The following ZNF763 variants were observed in gnomAD, a reference collection of about 807,000 sequenced individuals.
ZNF763 encodes zinc finger protein 763.
Under a neutral mutation model 38.0 loss-of-function variants are expected in ZNF763, and 33 were observed. That is an observed-to-expected ratio of 0.87 (90% confidence interval 0.66 to 1.16). The LOEUF is 1.16. Ranked by LOEUF, ZNF763 falls within the 50% of genes most tolerant of loss-of-function variation. ZNF763 has a pLI of 0.00. For missense variants in ZNF763, 423 were observed against 469.1 expected, an observed-to-expected ratio of 0.90 and a Z score of 0.91; for synonymous variants, 155 against 160.1, an observed-to-expected ratio of 0.97 and a Z score of 0.24.
At position 11,978,273 on chromosome 19, in the gene ZNF763, G is replaced by C. The variant is rs753935357; in HGVS notation, c.349G>C (p.Gly117Arg). ...DNFVCGEVGI[G>R]NSSFNMNIRG... The stretch of plus-strand genomic sequence containing the variant: ...CTTTGTATGTGGAGAAGTTGGCATA[G>C]GTAACTCATCTTTTAATATGAACAT... The change falls in exon 4 of 4, where the codon GGT becomes CGT. Residue 117 changes from glycine to arginine, a missense_variant. Gly to Arg is a moderately radical substitution (Grantham distance 125). Transcript: ENST00000358987. The C allele has an allele frequency of 1.2e-6, 2 of 1,613,926 alleles. No homozygotes were observed. The highest frequency in any genetic ancestry group is 2.7e-5 in the African/African-American group (2 of 74,900).
intron 1 of ZNF763, among the ~76,000 whole-genome samples, chr19:11,972,939 AT>A (rs1568307679): frequency 6.6e-6 from 1 of 151,758 alleles, no homozygotes; most frequent in African/African-American, 2.4e-5. Flanking sequence ...AAAAAAAAAA[AT>A]CATTTTAAAC....
chr19:11,978,259 G>C lies in ZNF763; in HGVS notation c.335G>C (p.Gly112Ala), dbSNP rs1386042327. 1 of 1,613,930 alleles carries C rather than the reference G, an allele frequency of 6.2e-7. No homozygotes were observed. Among genetic ancestry groups the C allele is most frequent in the African/African-American group, 1.3e-5 (1 of 74,906 alleles). ...EAKSCDNFVCGEVGIGNSSFN... is the reference protein window; with the variant it reads ...EAKSCDNFVCAEVGIGNSSFN... ...AAATCATGTGATAACTTTGTATGTG[G>C]AGAAGTTGGCATAGGTAACTCATCT... Residue 112 changes from glycine (G) to alanine (A), a missense_variant, in exon 4 of 4, where the codon GGA becomes GCA. Transcript: ENST00000358987.
In ZNF763 at chr19:11,978,429, G is replaced by T. The variant is rs768860875; in HGVS notation, c.505G>T (p.Glu169Ter). 1 of 1,614,048 alleles carries T rather than the reference G, an allele frequency of 6.2e-7. No homozygotes were observed. The highest frequency in any genetic ancestry group is 8.5e-7 in the Non-Finnish European group (1 of 1,180,018). Residue 169 changes from glutamate to a stop codon, truncating the protein, a stop_gained, in exon 4 of 4, where the codon GAG (glutamate) becomes TAG (stop). Transcript: ENST00000358987. LOFTEE classifies it high-confidence loss of function. ...FRTQERNHTG[E>*]KPYACKECGK... ...AACACAAGAAAGGAATCACACCGGA[G>T]AGAAACCCTATGCTTGTAAAGAATG...
chr19:11,977,847 AC>A (rs1292452630), intron 3 of ZNF763, among the ~76,000 whole-genome samples: 33 of 152,150 alleles, frequency 2.2e-4, no homozygotes, highest in African/African-American at 6.8e-4. Flanking sequence ...ACAGGATGAG[AC>A]CCTGACTCGA....
In ZNF763 at chr19:11,980,308, G is replaced by A; in HGVS notation, c.*1199G>A. ...GCACAGGAGAATCGCTTGAATCTGG[G>A]GGGCAGAGGTTGCAGTGAGCCAAGA... On this transcript the variant is annotated 3_prime_UTR_variant, in exon 4 of 4. Transcript: ENST00000358987. 3.9e-6 allele frequency: 1 copy of A among 257,294 alleles called. No individual in the cohort carries two copies. The highest frequency in any genetic ancestry group is 7.5e-6 in the Non-Finnish European group (1 of 133,902). The allele number at this position is 257,294 out of a possible 1,614,324, so 15.9% of individuals were successfully genotyped here. A position where few individuals can be genotyped will look rare whatever the true frequency, so the allele number is the denominator to read the frequency against.
At chr19:11,966,871 A>G (rs1973241884) in intron 1 of ZNF763, among the ~76,000 whole-genome samples, 1 of 152,160 alleles carries the variant, frequency 6.6e-6, no homozygotes, top group Admixed American at 6.5e-5. Flanking sequence ...CCCAAACAGG[A>G]AAAACACAGA....
At chr19:11,974,312 T>C (rs1465179300) in intron 1 of ZNF763, among the ~76,000 whole-genome samples, 3 of 151,066 alleles carry the variant, frequency 2.0e-5, no homozygotes, top group Non-Finnish European at 4.4e-5. Context: ...TTCTCCTGAC[T>C]CAGCCTCCCA....
rs1973362386 is a variant in ZNF763, at chr19:11,972,046, G to A, written c.4-4992G>A. Among the ~76,000 whole-genome samples the A allele has an allele frequency of 2.0e-5, 3 of 149,012 alleles. No homozygotes were observed. In the South Asian group the frequency reaches 6.4e-4, roughly 32 times the overall value. On this transcript the variant is annotated intron_variant, in intron 1 of 3. Transcript: ENST00000358987. ...CATTGCACTCCAGCCCAGGCAACAA[G>A]AGCAAAACTTTGTCTCAAAAAAAAA...
intron 3 of ZNF763, among the ~76,000 whole-genome samples, chr19:11,977,715 G>A (rs1973526075): frequency 6.6e-6 from 1 of 152,100 alleles, no homozygotes; most frequent in African/African-American, 2.4e-5. Flanking sequence ...AAATTAGCTG[G>A]GCATTGTGGT....
In ZNF763 at chr19:11,980,241, C is replaced by G. The variant is rs546279826; in HGVS notation, c.*1132C>G. 3.1e-5 allele frequency: 11 copies of G among 358,272 alleles called. No homozygotes were observed. The highest frequency in any genetic ancestry group is 4.6e-5 in the Non-Finnish European group (9 of 194,564). The allele number at this position is 358,272 out of a possible 1,614,324, so 22.2% of individuals were successfully genotyped here. A position where few individuals can be genotyped will look rare whatever the true frequency, so the allele number is the denominator to read the frequency against. On this transcript the variant is annotated 3_prime_UTR_variant, in exon 4 of 4. Transcript: ENST00000358987. ...ACTAAAACTACAAAAATTGGCCAGG[C>G]GTGGTGGCCTGCTTCTGTAATCCTA... is the stretch of plus-strand genomic sequence containing the variant.
At position 11,979,485 on chromosome 19, in the gene ZNF763, T is replaced by C. The variant is rs1299193135; in HGVS notation, c.*376T>C. 3.1e-6 allele frequency: 5 copies of C among 1,602,752 alleles called. No individual in the cohort carries two copies. In the African/African-American group the frequency reaches 5.4e-5, roughly 17 times the overall value. ...AAATGTAAGACATGTGGGAAAGGCT[T>C]TTATTCTCCCACGTCATTTCAAAGA... On this transcript the variant is annotated 3_prime_UTR_variant, in exon 4 of 4. Coordinates refer to ENST00000358987, the MANE Select transcript of ZNF763 (RefSeq NM_001367172.2).
At chr19:11,977,330 T>G in intron 2 of ZNF763, 41 bp from the exon 3 acceptor site, 1 of 1,610,134 alleles carries the variant, frequency 6.2e-7, no homozygotes, top group Non-Finnish European at 8.5e-7. Context: ...TTTCACAGTT[T>G]TATATTGCTT....
At chr19:11,973,039 A>T (rs1172394179) in intron 1 of ZNF763, among the ~76,000 whole-genome samples, 1 of 152,194 alleles carries the variant, frequency 6.6e-6, no homozygotes, top group Non-Finnish European at 1.5e-5. Context: ...CAATATTATT[A>T]TTACCTAAAG....
chr19:11,980,554 G>A lies in ZNF763; in HGVS notation c.*1445G>A, dbSNP rs72988683. On this transcript the variant is annotated 3_prime_UTR_variant, in exon 4 of 4. Transcript: ENST00000358987. ...TAGAAATTCATTTATACCTTAGAAA[G>A]CTATTTTTTTCAGGTTGGTTTAGTG... 0.019 allele frequency among the ~76,000 whole-genome samples: 2,874 copies of A among 152,204 alleles called. 36 individuals carry two copies. The highest frequency in any genetic ancestry group is 0.026 in the African/African-American group (1,084 of 41,512).
At chr19:11,972,310 A>C (rs1216645665) in intron 1 of ZNF763, among the ~76,000 whole-genome samples, 1 of 152,152 alleles carries the variant, frequency 6.6e-6, no homozygotes, top group Non-Finnish European at 1.5e-5. Flanking sequence ...AAGGGAAGAA[A>C]AGAAAAAAGA....
chr19:11,967,837 GACTAA>G (rs1222363577), intron 1 of ZNF763, among the ~76,000 whole-genome samples: 6 of 152,238 alleles, frequency 3.9e-5, no homozygotes. Context: ...TCTATGTAAA[GACTAA>G]ACTAAGCTGT....
Position 11,977,142 on chromosome 19 carries a change from T to A in ZNF763, c.108T>A (p.Thr36=). Residue 36 remains threonine, a synonymous_variant, in exon 2 of 4, where the codon ACT becomes ACA. Coordinates refer to ENST00000358987, the MANE Select transcript of ZNF763 (RefSeq NM_001367172.2). ...RKLYREVMLE[T]FRNLTSIGKK... Reference sequence around the variant, plus strand: ...TCTACAGGGAAGTGATGCTGGAAACTTTCAGGAACCTGACCTCTATAGGTA... The same window carrying A: ...TCTACAGGGAAGTGATGCTGGAAACATTCAGGAACCTGACCTCTATAGGTA... 6.2e-7 allele frequency: 1 copy of A among 1,614,142 alleles called. No homozygotes were observed. The highest frequency in any genetic ancestry group is 8.5e-7 in the Non-Finnish European group (1 of 1,180,008).
Position 11,978,570 on chromosome 19 carries a change from C to G in ZNF763, c.646C>G (p.Leu216Val), listed in dbSNP as rs1973548424. The G allele has an allele frequency of 1.9e-6, 3 of 1,614,174 alleles. No individual in the cohort carries two copies. The highest frequency in any genetic ancestry group is 4.5e-5 in the East Asian group (2 of 44,880). Residue 216 changes from leucine to valine, a missense_variant, in exon 4 of 4, where the codon CTT (leucine) becomes GTT (valine). Leu to Val is a conservative substitution (Grantham distance 32). Transcript: ENST00000358987. ...AGCTGTCCATTGTCTCAGATTATATCTTATCCATGAAAGAACTCACACTGG... is the reference window on the plus strand; with the variant it reads ...AGCTGTCCATTGTCTCAGATTATATGTTATCCATGAAAGAACTCACACTGG... ...GKAVHCLRLYLIHERTHTGEK... is the reference protein window; with the variant it reads ...GKAVHCLRLYVIHERTHTGEK...
chr19:11,969,402 G>A (rs1376512533), intron 1 of ZNF763, among the ~76,000 whole-genome samples: 10 of 152,322 alleles, frequency 6.6e-5, no homozygotes, highest in African/African-American at 2.2e-4. Context: ...ACTGCACCGG[G>A]CCTGACTTAC....
Sources: allele counts gnomAD v4.1 joint callset (sites outside exome capture counted in the v4.1 genomes callset), GRCh38; gene constraint gnomAD v4.1.1; transcripts MANE v1.5; gene names NCBI Gene and HGNC (gene_info 2026-07-23, HGNC 2026-07-21).